Variants in DMXL1 observed in about 807,000 individuals in gnomAD.
The protein encoded by DMXL1 is dmX-like protein 1.
In DMXL1, 99 loss-of-function variants were observed where a neutral mutation model predicts 319.2. The ratio of observed to expected loss-of-function variants is 0.31; its 90% CI spans 0.26 to 0.37. DMXL1 has a LOEUF of 0.37. Among genes scored for constraint, DMXL1 ranks in the 10% least tolerant of loss-of-function variants. DMXL1 has a pLI of 1.00. For missense variants in DMXL1, 3,745 were observed against 3,595.6 expected, an observed-to-expected ratio of 1.04 and a Z score of -1.06; for synonymous variants, 1,385 against 1,235.2, an observed-to-expected ratio of 1.12 and a Z score of -2.54.
chr5:119,118,351 CAATA>C, intron 7 of DMXL1, among the ~76,000 whole-genome samples: 1 of 152,168 alleles, frequency 6.6e-6, no homozygotes, highest in African/African-American at 2.4e-5. Context: ...ACTATCCACT[CAATA>C]AATCAGAAAA....
At chr5:119,152,921 TGCATATAGCTTTGAAAAAA>T (rs757498369) in intron 19 of DMXL1, among the ~76,000 whole-genome samples, 1 of 152,194 alleles carries the variant, frequency 6.6e-6, no homozygotes, top group Non-Finnish European at 1.5e-5. Context: ...TTTCTCATTT[TGCATATAGCTTTGAAAAAA>T]GTAAAGTTGA....
chr5:119,238,533 A>G (rs1788168440), intron 40 of DMXL1, among the ~76,000 whole-genome samples: 1 of 152,146 alleles, frequency 6.6e-6, no homozygotes, highest in Non-Finnish European at 1.5e-5. Flanking sequence ...TATGTCAATT[A>G]TTTAACAAAA....
chr5:119,195,652 G>A (rs191975727), intron 30 of DMXL1, among the ~76,000 whole-genome samples: 11 of 152,226 alleles, frequency 7.2e-5, no homozygotes, highest in Admixed American at 2.0e-4. Flanking sequence ...GGATGGTGGT[G>A]GTGGTTGCAC....
At chr5:119,142,519 A>G (rs1428915943) in intron 13 of DMXL1, among the ~76,000 whole-genome samples, 3 of 137,670 alleles carry the variant, frequency 2.2e-5, no homozygotes, top group Non-Finnish European at 3.1e-5. Context: ...TTAAAAAGTA[A>G]AAAAAAAAAA....
rs779527923 is a variant in DMXL1 at position 119,110,169 on chromosome 5, G to A, written c.383G>A (p.Gly128Asp). The stretch of plus-strand genomic sequence containing the variant: ...TTTTTAGGCAGTCGTCTTTTAACTG[G>A]TTCCAGCTATTTGCAACTCTGGTCC... The part of the protein sequence containing the change: ...WDPTGSRLLT[G>D]SSYLQLWSNT... Residue 128 changes from glycine (G) to aspartate (D), a missense_variant, in exon 5 of 44, where the codon GGT (glycine) becomes GAT (aspartate). Gly to Asp is a moderately conservative substitution (Grantham distance 94). Transcript: ENST00000539542. 15 of 1,596,404 alleles carry A rather than the reference G, an allele frequency of 9.4e-6. No homozygotes were observed. The highest frequency in any genetic ancestry group is 1.3e-5 in the Non-Finnish European group (15 of 1,174,462).
intron 25 of DMXL1, among the ~76,000 whole-genome samples, chr5:119,172,700 C>T (rs1357572822): frequency 6.6e-6 from 1 of 152,102 alleles, no homozygotes; most frequent in Non-Finnish European, 1.5e-5. Context: ...TGAAGTATAA[C>T]TGACTTTGAC....
At chr5:119,210,870 C>A (rs1041022483) in intron 34 of DMXL1, among the ~76,000 whole-genome samples, 1 of 145,530 alleles carries the variant, frequency 6.9e-6, no homozygotes, top group Non-Finnish European at 1.5e-5. Flanking sequence ...TTGGGGAAAG[C>A]AGTCTTTTAT....
chr5:119,208,667 C>G (rs1241327164), intron 34 of DMXL1, among the ~76,000 whole-genome samples: 5 of 152,062 alleles, frequency 3.3e-5, no homozygotes, highest in Non-Finnish European at 5.9e-5. Context: ...CAGCATTTTT[C>G]CAAGCCCACT....
At chr5:119,127,162 A>T (rs573088155) in intron 9 of DMXL1, 1 of 161,264 alleles carries the variant, frequency 6.2e-6, no homozygotes, top group East Asian at 1.8e-4. Flanking sequence ...GGGCATTATC[A>T]GGAACATCTT....
At chr5:119,184,356 G>C (rs1271795890) in intron 28 of DMXL1, among the ~76,000 whole-genome samples, 1 of 152,152 alleles carries the variant, frequency 6.6e-6, no homozygotes, top group Non-Finnish European at 1.5e-5. Flanking sequence ...GAGCCACCAT[G>C]TCCTGCTTAA....
At chr5:119,225,538 A>T (rs1323154515) in intron 38 of DMXL1, among the ~76,000 whole-genome samples, 1 of 152,072 alleles carries the variant, frequency 6.6e-6, no homozygotes, top group Non-Finnish European at 1.5e-5. Flanking sequence ...ATGGGTATTC[A>T]TGTCCCCCAG....
In DMXL1 at chr5:119,216,516, T is replaced by C. The variant is rs149951554; in HGVS notation, c.7927-385T>C. Reference sequence around the variant, plus strand: ...TTTGTGGTCTGCAAAACCTAAAATATTGACTATCTGACCTTTTAAATTTTA... The same window carrying C: ...TTTGTGGTCTGCAAAACCTAAAATACTGACTATCTGACCTTTTAAATTTTA... On this transcript the variant is annotated intron_variant, in intron 34 of 43. Coordinates refer to ENST00000539542, the MANE Select transcript of DMXL1 (RefSeq NM_001290321.3). Among the ~76,000 whole-genome samples the C allele has an allele frequency of 2.8e-3, 421 of 152,322 alleles. 4 individuals are homozygous for C. Among genetic ancestry groups the C allele is most frequent in the African/African-American group, 9.9e-3 (411 of 41,574 alleles).
At chr5:119,178,367 T>C in intron 28 of DMXL1, 123 bp downstream of exon 28, 1 of 1,131,082 alleles carries the variant, frequency 8.8e-7, no homozygotes, top group South Asian at 1.7e-5. Context: ...GCGAAAAGCA[T>C]AAACAAATAG....
intron 32 of DMXL1, among the ~76,000 whole-genome samples, chr5:119,200,574 A>C (rs1054416997): frequency 6.6e-6 from 1 of 152,098 alleles, no homozygotes; most frequent in African/African-American, 2.4e-5. Flanking sequence ...GTTCCATATT[A>C]ATTTTAAAAT....
At chr5:119,199,810 T>G (rs1780356296) in intron 32 of DMXL1, among the ~76,000 whole-genome samples, 2 of 152,232 alleles carry the variant, frequency 1.3e-5, no homozygotes, top group African/African-American at 4.8e-5. Context: ...TGCTTTTGAT[T>G]TGCTTTTCTC....
At chr5:119,223,116 G>T (rs1333912232) in intron 37 of DMXL1, among the ~76,000 whole-genome samples, 1 of 149,262 alleles carries the variant, frequency 6.7e-6, no homozygotes, top group African/African-American at 2.5e-5. Flanking sequence ...CAGTGCAGTG[G>T]TGCAATATTG....
intron 28 of DMXL1, among the ~76,000 whole-genome samples, chr5:119,183,767 AT>A (rs1205411423): frequency 1.3e-5 from 2 of 152,032 alleles, no homozygotes; most frequent in African/African-American, 4.8e-5. Flanking sequence ...CCAGGAGTAC[AT>A]TTTTGTTAGA....
intron 12 of DMXL1, 36 bp downstream of exon 12, chr5:119,134,214 T>G (rs745564248): frequency 6.2e-6 from 10 of 1,606,142 alleles, no homozygotes; most frequent in Non-Finnish European, 7.6e-6. Context: ...TAATTTAGAT[T>G]TGCTGACATT....
At chr5:119,127,481 C>T (rs1254616741) in intron 9 of DMXL1, 1 of 152,590 alleles carries the variant, frequency 6.6e-6, no homozygotes, top group Non-Finnish European at 1.4e-5. Flanking sequence ...TTTACTTAGT[C>T]TGGTAATCTG....
Sources: allele counts gnomAD v4.1 joint callset (sites outside exome capture counted in the v4.1 genomes callset), GRCh38; gene constraint gnomAD v4.1.1; transcripts MANE v1.5; gene names NCBI Gene and HGNC (gene_info 2026-07-23, HGNC 2026-07-21).